EFHC2: variants seen among roughly 807,000 people sequenced by gnomAD.
EFHC2 encodes EF-hand domain containing 2.
EFHC2 carries 18 observed loss-of-function variants against 52.7 expected under a neutral mutation model. The ratio of observed to expected loss-of-function variants is 0.34; its 90% CI spans 0.24 to 0.51. The LOEUF is 0.51. Ranked by LOEUF, EFHC2 falls within the 20% of genes least tolerant of loss-of-function variation. The pLI is 0.97. For missense variants in EFHC2, 513 were observed against 562.5 expected (o/e 0.91, Z 0.89); for synonymous variants, 203 against 204.1 (o/e 0.99, Z 0.04).
chrX:44,213,834 C>CTAGTCCCTCAAGT (rs1162159417), intron 11 of EFHC2, among the ~76,000 whole-genome samples: 2 of 112,018 alleles, frequency 1.8e-5, no homozygotes, highest in Non-Finnish European at 3.8e-5. Context: ...ATGGCCTGAA[C>CTAGTCCCTCAAGT]TAGTCCCTCA....
chrX:44,247,295 A>C (rs1431341200), intron 7 of EFHC2, among the ~76,000 whole-genome samples: 2 of 112,122 alleles, frequency 1.8e-5, no homozygotes, highest in African/African-American at 6.5e-5. Flanking sequence ...GATTCCCAGA[A>C]GGCCAGGAAT....
intron 8 of EFHC2, among the ~76,000 whole-genome samples, chrX:44,238,350 G>A (rs954916848): frequency 2.7e-5 from 3 of 111,096 alleles, no homozygotes; most frequent in African/African-American, 9.8e-5. Context: ...CTTTTCTCTT[G>A]GACTACTGCA....
intron 7 of EFHC2, among the ~76,000 whole-genome samples, 163 bp downstream of exon 7, chrX:44,248,109 A>G (rs761701502): frequency 9.0e-6 from 1 of 111,418 alleles, no homozygotes; most frequent in South Asian, 3.8e-4. Flanking sequence ...TCCATAGAGA[A>G]TTGTTAGGAA....
At chrX:44,277,904 T>C (rs892950716) in intron 2 of EFHC2, among the ~76,000 whole-genome samples, 1 of 110,484 alleles carries the variant, frequency 9.1e-6, no homozygotes, top group African/African-American at 3.3e-5. Flanking sequence ...TATATAAAAG[T>C]ATATAATAAA....
At chrX:44,177,993 C>T (rs925347172) in intron 12 of EFHC2, among the ~76,000 whole-genome samples, 8 of 108,676 alleles carry the variant, frequency 7.4e-5, no homozygotes, top group Non-Finnish European at 1.1e-4. Flanking sequence ...TAGCTGGGTG[C>T]GGTGGTGCGA....
At chrX:44,256,678 T>G (rs190403985) in intron 4 of EFHC2, among the ~76,000 whole-genome samples, 140 of 111,124 alleles carry the variant, frequency 1.3e-3, no homozygotes, top group African/African-American at 4.5e-3. Flanking sequence ...CAGGACCAGA[T>G]GGATTCACAG....
At chrX:44,253,699 C>T (rs1320171603) in intron 4 of EFHC2, among the ~76,000 whole-genome samples, 1 of 112,222 alleles carries the variant, frequency 8.9e-6, no homozygotes, top group Non-Finnish European at 1.9e-5. Context: ...GGCACAGCTT[C>T]AGCAGACTTA....
At chrX:44,182,457 C>G (rs2147282678) in intron 11 of EFHC2, among the ~76,000 whole-genome samples, 1 of 111,781 alleles carries the variant, frequency 8.9e-6, no homozygotes, top group East Asian at 2.8e-4. Flanking sequence ...GTATATATAC[C>G]AAGGAGTGAA....
At position 44,234,770 on chromosome X, in the gene EFHC2, C is replaced by A. The variant is rs1050597663; in HGVS notation, c.1423+535G>T. Among the ~76,000 whole-genome samples, 4 of 111,684 alleles carry A rather than the reference C, an allele frequency of 3.6e-5. No individual in the cohort carries two copies. In the Admixed American group the frequency reaches 3.8e-4, roughly 11 times the overall value. ...CCTCTCCTCAGCAATGACAGTGGTACCAGCATATTACAGAGAGGCATTCTG... is the reference window on the plus strand; with the variant it reads ...CCTCTCCTCAGCAATGACAGTGGTAACAGCATATTACAGAGAGGCATTCTG... On this transcript the variant is annotated intron_variant, in intron 9 of 14. Coordinates refer to ENST00000420999, the MANE Select transcript of EFHC2 (RefSeq NM_025184.4).
At chrX:44,154,916 A>G (rs896116813) in intron 14 of EFHC2, among the ~76,000 whole-genome samples, 8 of 111,331 alleles carry the variant, frequency 7.2e-5, no homozygotes, top group Non-Finnish European at 1.3e-4. Flanking sequence ...ATTCTATGCA[A>G]TTTTGCATTT....
At chrX:44,296,177 T>C (rs2037824778) in intron 2 of EFHC2, among the ~76,000 whole-genome samples, 1 of 110,514 alleles carries the variant, frequency 9.0e-6, no homozygotes, top group Non-Finnish European at 1.9e-5. Flanking sequence ...AAAAGTGGAG[T>C]GAGCAAAGAC....
At chrX:44,249,169 G>T (rs1215171173) in intron 5 of EFHC2, among the ~76,000 whole-genome samples, 3 of 111,161 alleles carry the variant, frequency 2.7e-5, no homozygotes, top group African/African-American at 6.5e-5. Context: ...GTATCCCAGG[G>T]CTCCCTCTGG....
chrX:44,183,874 G>A (rs892380154), intron 11 of EFHC2, among the ~76,000 whole-genome samples: 9 of 111,904 alleles, frequency 8.0e-5, no homozygotes, highest in Non-Finnish European at 5.6e-5. Flanking sequence ...CAATTGGGAG[G>A]CAGTCTGGAA....
intron 3 of EFHC2, among the ~76,000 whole-genome samples, chrX:44,262,531 A>AAAAAAAAAAGAAAAG (rs2037548744): frequency 1.1e-5 from 1 of 93,683 alleles, no homozygotes; most frequent in African/African-American, 4.4e-5. Context: ...AAAAAAAAAA[A>AAAAAAAAAAGAAAAG]AAAAGAAAAG....
At chrX:44,333,940 A>G (rs2038102992) in intron 1 of EFHC2, among the ~76,000 whole-genome samples, 1 of 111,723 alleles carries the variant, frequency 9.0e-6, no homozygotes, top group African/African-American at 3.3e-5. Flanking sequence ...TTTTGCAACT[A>G]TGAGGTCACA....
At chrX:44,320,829 A>G (rs2038014132) in intron 1 of EFHC2, among the ~76,000 whole-genome samples, 1 of 109,810 alleles carries the variant, frequency 9.1e-6, no homozygotes, top group Admixed American at 9.8e-5. Context: ...GGATTATCAT[A>G]CAACCTCCCC....
intron 11 of EFHC2, among the ~76,000 whole-genome samples, chrX:44,198,959 T>C (rs1289209579): frequency 8.9e-6 from 1 of 112,628 alleles, no homozygotes; most frequent in Admixed American, 9.4e-5. Context: ...ATAAGTTATC[T>C]GATAGAAATC....
At chrX:44,153,147 G>T (rs1385668273) in intron 14 of EFHC2, among the ~76,000 whole-genome samples, 2 of 111,874 alleles carry the variant, frequency 1.8e-5, no homozygotes, top group Non-Finnish European at 3.8e-5. Context: ...ACAATACAGA[G>T]AAAATAATAG....
Position 44,336,531 on chromosome X carries a change from TG to T in EFHC2, c.42+7015del, listed in dbSNP as rs199644559. ...AATCATTGCTGGTGGGAATGCAAAA[TG>T]GTAATTTCTTATCAAGATAAACACA... is the stretch of plus-strand genomic sequence containing the variant. On this transcript the variant is annotated intron_variant, in intron 1 of 14. Transcript: ENST00000420999. Among the ~76,000 whole-genome samples the T allele has an allele frequency of 1.3e-3, 142 of 111,781 alleles. 1 individual carries two copies. The East Asian group carries it at 0.014, about 11-fold the overall frequency.
Sources: gnomAD v4.1 joint callset for allele counts (sites outside exome capture counted in the v4.1 genomes callset) on GRCh38, gnomAD v4.1.1 for gene constraint, MANE v1.5 for transcripts, NCBI Gene and HGNC (gene_info 2026-07-23, HGNC 2026-07-21) for gene names.